Variants in ECE1 observed in about 807,000 individuals in gnomAD.
ECE1 encodes endothelin-converting enzyme 1.
In ECE1, 35 loss-of-function variants were observed where a neutral mutation model predicts 98.6. That is an observed-to-expected ratio of 0.35 (90% confidence interval 0.27 to 0.47). The LOEUF (loss-of-function observed/expected upper bound fraction) is 0.47. ECE1 is among the 20% of genes least tolerant of loss of function. The pLI, the probability that ECE1 is intolerant of heterozygous loss-of-function variation, is 1.00. For missense variants in ECE1, 814 were observed against 1,025.3 expected (o/e 0.79, Z 2.81); for synonymous variants, 394 against 407.1 (o/e 0.97, Z 0.39).
chr1:21,287,681 A>G (rs1360417835), intron 2 of ECE1, among the ~76,000 whole-genome samples: 1 of 152,216 alleles, frequency 6.6e-6, no homozygotes, highest in Non-Finnish European at 1.5e-5. Flanking sequence ...TTGAATAAAT[A>G]TATTTTTATA....
chr1:21,225,475 G>C lies in ECE1; in HGVS notation c.1850-35C>G. On this transcript the variant is annotated intron_variant, in intron 16 of 18. Coordinates refer to ENST00000374893, the MANE Select transcript of ECE1 (RefSeq NM_001397.3). This position sits in a 1 kb window ranked among gnomAD's most constrained non-coding sequence, Gnocchi z 5.3. ...AGAGGGAGGCGTCATGTCAAGGGAG[G>C]GAGGGGCACAGCAGGGACCTGCTGC... is the stretch of plus-strand genomic sequence containing the variant. The C allele has an allele frequency of 6.2e-7, 1 of 1,609,584 alleles. No individual in the cohort carries two copies. Among genetic ancestry groups the C allele is most frequent in the Non-Finnish European group, 8.5e-7 (1 of 1,178,094 alleles).
At chr1:21,257,837 C>T (rs535087545) in intron 6 of ECE1, among the ~76,000 whole-genome samples, 1 of 152,352 alleles carries the variant, frequency 6.6e-6, no homozygotes, top group East Asian at 1.9e-4. Context: ...CAGAGCCACC[C>T]TCCTTTTTAA....
rs2098184520 is a variant in ECE1, at chr1:21,233,608, G to A, written c.1620C>T (p.Phe540=). 1 of 1,613,898 alleles carries A rather than the reference G, an allele frequency of 6.2e-7. No homozygotes were observed. Among genetic ancestry groups the A allele is most frequent in the Admixed American group, 1.7e-5 (1 of 60,004 alleles). The change falls in exon 14 of 19, where the codon TTC becomes TTT. Residue 540 remains phenylalanine, a synonymous_variant. Coordinates refer to ENST00000374893, the MANE Select transcript of ECE1 (RefSeq NM_001397.3). This position sits in a 1 kb window ranked among gnomAD's most constrained non-coding sequence, Gnocchi z 4.0. ...YFENAMRFFN[F]SWRVTADQLR... is the part of the protein sequence containing the mutation. ...GCTGATCGGCAGTGACCCTCCATGAGAAGTTGAAAAACCGCATGGCATTTT... is the reference window on the plus strand; with the variant it reads ...GCTGATCGGCAGTGACCCTCCATGAAAAGTTGAAAAACCGCATGGCATTTT...
In ECE1 at chr1:21,228,003, G is replaced by A. The variant is rs2098176614; in HGVS notation, c.1709C>T (p.Ser570Leu). The change falls in exon 15 of 19, where the codon TCG (serine) becomes TTG (leucine). Residue 570 changes from serine (S) to leucine (L), a missense_variant. By Grantham distance (145) the Ser-to-Leu change is moderately radical. Around this residue, in one of 3 missense-constraint regions of ECE1, gnomAD observed 452 missense variants for 567.3 expected, o/e 0.80. Transcript: ENST00000374893. ...AAACACAATCTCATTCTTGGTGGGCGAGTAGTAGGCGTTCACCATGGGCGG... is the reference window on the plus strand; with the variant it reads ...AAACACAATCTCATTCTTGGTGGGCAAGTAGTAGGCGTTCACCATGGGCGG... ...MTPPMVNAYY[S>L]PTKNEIVFPA... 2 of 1,565,454 alleles carry A rather than the reference G, an allele frequency of 1.3e-6. No individual in the cohort carries two copies. The highest frequency in any genetic ancestry group is 1.2e-5 in the South Asian group (1 of 85,042).
intron 1 of ECE1, among the ~76,000 whole-genome samples, chr1:21,333,346 G>A (rs1639244052): frequency 6.6e-6 from 1 of 151,940 alleles, no homozygotes; most frequent in South Asian, 2.1e-4. Context: ...GGGGGGGCGG[G>A]GGGGTGGGTG....
intron 3 of ECE1, among the ~76,000 whole-genome samples, chr1:21,276,245 T>G (rs1276507946): frequency 6.6e-6 from 1 of 151,936 alleles, no homozygotes; most frequent in Non-Finnish European, 1.5e-5. Context: ...AGGCTGGTCT[T>G]GAACTCTTGA....
In ECE1 at chr1:21,327,418, G is replaced by A. The variant is rs1639104324; in HGVS notation, c.3+17958C>T. Among the ~76,000 whole-genome samples the A allele has an allele frequency of 6.6e-6, 1 of 152,108 alleles. No homozygotes were observed. Among genetic ancestry groups the A allele is most frequent in the African/African-American group, 2.4e-5 (1 of 41,420 alleles). On this transcript the variant is annotated intron_variant, in intron 1 of 18. Transcript: ENST00000415912. This position sits in a 1 kb window ranked among gnomAD's most constrained non-coding sequence, Gnocchi z 4.6. ...CCTGCCCACTCTACTCAGTTTCTCT[G>A]TCTGCCTCTCCCTCACCACTACCAC...
In ECE1 at chr1:21,333,350, GT is replaced by G. The variant is rs1395684820; in HGVS notation, c.3+12025del. Reference sequence around the variant, plus strand: ...CCAGAGCCGTGGGGGGGGCGGGGGGGTGGGTGGGTAGTAGTGTGGCCTGGCT... The same window carrying G: ...CCAGAGCCGTGGGGGGGGCGGGGGGGGGGTGGGTAGTAGTGTGGCCTGGCT... On this transcript the variant is annotated intron_variant, in intron 1 of 18. Transcript: ENST00000415912. Among the ~76,000 whole-genome samples, 231 of 149,668 alleles carry G rather than the reference GT, an allele frequency of 1.5e-3. 3 individuals carry two copies. The highest frequency in any genetic ancestry group is 0.014 in the Admixed American group (203 of 14,914).
intron 4 of ECE1, among the ~76,000 whole-genome samples, chr1:21,264,841 G>A (rs946774312): frequency 3.9e-5 from 6 of 152,102 alleles, no homozygotes; most frequent in African/African-American, 7.2e-5. Flanking sequence ...CGGGGTCTGC[G>A]CTCCCACCTG....
At position 21,324,173 on chromosome 1, in the gene ECE1, C is replaced by T. The variant is rs1085188; in HGVS notation, c.3+21203G>A. ...TCACTCTGTTGCCCAAGCTGGAGTG[C>T]GGCCTTGACCATAGCCCATGCAGCC... On this transcript the variant is annotated intron_variant, in intron 1 of 18. Coordinates refer to the ECE1 transcript ENST00000415912. Among the ~76,000 whole-genome samples the T allele has an allele frequency of 4.4e-4, 67 of 152,206 alleles. 2 individuals are homozygous for T. Among genetic ancestry groups the T allele is most frequent in the African/African-American group, 1.5e-3 (61 of 41,512 alleles).
intron 9 of ECE1, among the ~76,000 whole-genome samples, chr1:21,246,280 A>C (rs948121572): frequency 5.3e-5 from 8 of 152,026 alleles, no homozygotes; most frequent in African/African-American, 1.9e-4. Flanking sequence ...CAGGCAGATC[A>C]ACTGAGGTCA....
intron 8 of ECE1, among the ~76,000 whole-genome samples, chr1:21,252,420 C>T (rs1229259251): frequency 6.6e-6 from 1 of 152,228 alleles, no homozygotes; most frequent in Admixed American, 6.5e-5. Context: ...TCCACACCTG[C>T]AGCCAAGGAG....
At chr1:21,281,227 T>C (rs948932653) in intron 2 of ECE1, among the ~76,000 whole-genome samples, 1 of 146,702 alleles carries the variant, frequency 6.8e-6, no homozygotes, top group Non-Finnish European at 1.5e-5. Context: ...AAAACAAAAC[T>C]GAGCAAAGGA....
chr1:21,345,421 C>A lies in ECE1; in HGVS notation c.-43G>T. 1.5e-6 allele frequency: 2 copies of A among 1,318,986 alleles called. No homozygotes were observed. The highest frequency in any genetic ancestry group is 2.0e-5 in the South Asian group (1 of 50,874). The allele number at this position is 1,318,986 out of a possible 1,614,324, so 81.7% of individuals were successfully genotyped here. ...CCGGCTTCGCGCAGCTCCCCGCGCC[C>A]GGCTCCCGATTCCCAGCTCCGGGTT... On this transcript the variant is annotated 5_prime_UTR_variant, in exon 1 of 19. Transcript: ENST00000415912. The surrounding 1 kb of genome is among the most constrained non-coding windows in gnomAD (Gnocchi z 5.1).
intron 1 of ECE1, among the ~76,000 whole-genome samples, chr1:21,297,466 C>T (rs1016864981): frequency 6.6e-6 from 1 of 152,044 alleles, no homozygotes; most frequent in East Asian, 1.9e-4. Context: ...TGATCTCCTA[C>T]TGTAGCTCCC....
chr1:21,316,866 A>C (rs1265862319), intron 1 of ECE1, among the ~76,000 whole-genome samples: 6 of 152,210 alleles, frequency 3.9e-5, no homozygotes, highest in African/African-American at 9.6e-5. Context: ...AAAAACAGTG[A>C]GCAACATCAT....
intron 1 of ECE1, among the ~76,000 whole-genome samples, chr1:21,315,227 T>C (rs78080066): frequency 1.3e-5 from 2 of 152,228 alleles, no homozygotes; most frequent in Non-Finnish European, 2.9e-5. Context: ...GATCTGTAAT[T>C]TGAGCCCAGG....
rs915120259 is a variant in ECE1 at position 21,219,315 on chromosome 1, T to G, written c.*640A>C. ...CCTCTCTCTGCCTGGCCTCCACACC[T>G]CTACTGGTCTCCACGCCCTTGCATG... is the stretch of plus-strand genomic sequence containing the variant. On this transcript the variant is annotated 3_prime_UTR_variant, in exon 19 of 19. Coordinates refer to ENST00000374893, the MANE Select transcript of ECE1 (RefSeq NM_001397.3). The surrounding 1 kb of genome is among the most constrained non-coding windows in gnomAD (Gnocchi z 4.5). 1 of 153,280 alleles carries G rather than the reference T, an allele frequency of 6.5e-6. No homozygotes were observed. Among genetic ancestry groups the G allele is most frequent in the African/African-American group, 2.4e-5 (1 of 41,462 alleles). The allele number at this position is 153,280 out of a possible 1,614,324, so 9.5% of individuals were successfully genotyped here. A position where few individuals can be genotyped will look rare whatever the true frequency, so the allele number is the denominator to read the frequency against.
intron 1 of ECE1, among the ~76,000 whole-genome samples, chr1:21,341,780 T>C (rs1338862915): frequency 1.3e-5 from 2 of 151,548 alleles, no homozygotes; most frequent in Admixed American, 6.6e-5. Flanking sequence ...GTTAGTCTCC[T>C]ATCTTCAAAC....
Sources: gnomAD v4.1 joint callset for allele counts (sites outside exome capture counted in the v4.1 genomes callset) on GRCh38, gnomAD v4.1.1 for gene constraint, gnomAD v4.1.1 regional missense constraint, Gnocchi (gnomAD v3.1) non-coding constraint, MANE v1.5 for transcripts, NCBI Gene and HGNC (gene_info 2026-07-23, HGNC 2026-07-21) for gene names.